The following KLHL24 variants were observed in gnomAD, a reference collection of about 807,000 sequenced individuals.
KLHL24 encodes kelch like family member 24.
Under a neutral mutation model 53.4 loss-of-function variants are expected in KLHL24, and 29 were observed. The observed-to-expected ratio is 0.54, with a 90% CI of 0.40 to 0.74. KLHL24 has a LOEUF of 0.74. Among genes scored for constraint, KLHL24 ranks in the 30% least tolerant of loss-of-function variants. The pLI is 0.00. For missense variants in KLHL24, 504 were observed against 744.0 expected (o/e 0.68, Z 3.75); for synonymous variants, 222 against 253.7 (o/e 0.88, Z 1.19).
At chr3:183,660,514 A>G (rs1310172965) in intron 3 of KLHL24, among the ~76,000 whole-genome samples, 1 of 152,190 alleles carries the variant, frequency 6.6e-6, no homozygotes, top group African/African-American at 2.4e-5. Context: ...AGTATTCCAT[A>G]ACCCACCCTT....
intron 2 of KLHL24, among the ~76,000 whole-genome samples, chr3:183,648,934 T>C (rs1472330046): frequency 1.3e-5 from 2 of 151,156 alleles, no homozygotes; most frequent in African/African-American, 4.9e-5. Flanking sequence ...ACCTAGGAGG[T>C]GGAGATTGCA....
chr3:183,642,394 G>C (rs1716570703), intron 1 of KLHL24, among the ~76,000 whole-genome samples: 1 of 151,998 alleles, frequency 6.6e-6, no homozygotes. Flanking sequence ...ATATGTGTTT[G>C]TGTGTATACA....
intron 1 of KLHL24, among the ~76,000 whole-genome samples, chr3:183,639,522 C>A (rs976246968): frequency 6.9e-6 from 1 of 144,192 alleles, no homozygotes; most frequent in Non-Finnish European, 1.5e-5. Flanking sequence ...CCCAGCTACT[C>A]GGGAGGCTGA....
At chr3:183,652,650 C>A (rs1359110357) in intron 3 of KLHL24, among the ~76,000 whole-genome samples, 1 of 152,096 alleles carries the variant, frequency 6.6e-6, no homozygotes, top group Non-Finnish European at 1.5e-5. Context: ...TTTTGACTAT[C>A]ATTGTTTCGG....
At chr3:183,649,295 T>G (rs1202704100) in intron 2 of KLHL24, among the ~76,000 whole-genome samples, 3 of 152,222 alleles carry the variant, frequency 2.0e-5, no homozygotes, top group Non-Finnish European at 4.4e-5. Flanking sequence ...TGTGATCTAC[T>G]TTTTCACTTA....
chr3:183,672,387 A>T lies in KLHL24; in HGVS notation c.1505A>T (p.Asn502Ile). ...KRCITAVSLN[N>I]LIYVAGGLTK... Reference sequence around the variant, plus strand: ...TGTATAACAGCTGTATCCCTAAACAACCTGATCTATGTTGCCGGTGGACTG... The same window carrying T: ...TGTATAACAGCTGTATCCCTAAACATCCTGATCTATGTTGCCGGTGGACTG... Residue 502 changes from asparagine (N) to isoleucine (I), a missense_variant, in exon 7 of 8, where the codon AAC (asparagine) becomes ATC (isoleucine). Coordinates refer to ENST00000242810, the MANE Select transcript of KLHL24 (RefSeq NM_017644.3). 1 of 1,613,586 alleles carries T rather than the reference A, an allele frequency of 6.2e-7. No individual in the cohort carries two copies. The highest frequency in any genetic ancestry group is 1.1e-5 in the South Asian group (1 of 91,014).
At chr3:183,658,539 G>A (rs1336347735) in intron 3 of KLHL24, among the ~76,000 whole-genome samples, 1 of 151,914 alleles carries the variant, frequency 6.6e-6, no homozygotes, top group Admixed American at 6.6e-5. Flanking sequence ...GAATATTCTT[G>A]TACATTATCT....
At chr3:183,667,484 T>C (rs1720737071) in intron 5 of KLHL24, among the ~76,000 whole-genome samples, 1 of 152,114 alleles carries the variant, frequency 6.6e-6, no homozygotes, top group South Asian at 2.1e-4. Flanking sequence ...TAGGTTCTCA[T>C]AGGAGCATGG....
At chr3:183,645,490 A>G (rs1271205314) in intron 2 of KLHL24, among the ~76,000 whole-genome samples, 1 of 152,254 alleles carries the variant, frequency 6.6e-6, no homozygotes, top group African/African-American at 2.4e-5. Flanking sequence ...ATCCACACAA[A>G]TATATGGGCA....
chr3:183,662,605 C>T (rs749575444), intron 3 of KLHL24, among the ~76,000 whole-genome samples: 2 of 152,038 alleles, frequency 1.3e-5, no homozygotes, highest in Non-Finnish European at 2.9e-5. Context: ...TTATTCCTGT[C>T]TCTATTTTAA....
intron 5 of KLHL24, among the ~76,000 whole-genome samples, chr3:183,669,875 T>C (rs1413204042): frequency 6.6e-6 from 1 of 152,134 alleles, no homozygotes; most frequent in Non-Finnish European, 1.5e-5. Flanking sequence ...ATGTGAAAGA[T>C]GCTGTGGAAG....
intron 7 of KLHL24, 40 bp downstream of exon 7, chr3:183,672,524 G>C (rs746063174): frequency 2.9e-6 from 4 of 1,371,818 alleles, no homozygotes; most frequent in Non-Finnish European, 4.0e-6. Flanking sequence ...ATAAATCTAA[G>C]AGGGACCAAG....
At chr3:183,641,139 T>C (rs1348532959) in intron 1 of KLHL24, among the ~76,000 whole-genome samples, 1 of 152,196 alleles carries the variant, frequency 6.6e-6, no homozygotes, top group Non-Finnish European at 1.5e-5. Flanking sequence ...CTGAAATGTA[T>C]AAAAATTGCT....
Position 183,659,169 on chromosome 3 carries a change from A to C in KLHL24, c.921-4289A>C, listed in dbSNP as rs564162446. Among the ~76,000 whole-genome samples the C allele has an allele frequency of 5.6e-4, 85 of 152,106 alleles. No homozygotes were observed. The Middle Eastern group carries it at 0.014, about 24-fold the overall frequency. On this transcript the variant is annotated intron_variant, in intron 3 of 7. Coordinates refer to ENST00000242810, the MANE Select transcript of KLHL24 (RefSeq NM_017644.3). ...TTTTTTCTGCAATCCATTGAACTCT[A>C]ATGTATCCAAATTCTGATTGCAAAT...
At position 183,671,050 on chromosome 3, in the gene KLHL24, G is replaced by A; in HGVS notation, c.1241G>A (p.Gly414Asp). 6.2e-7 allele frequency: 1 copy of A among 1,613,014 alleles called. No individual in the cohort carries two copies. The highest frequency in any genetic ancestry group is 8.5e-7 in the Non-Finnish European group (1 of 1,179,156). The change falls in exon 6 of 8, where the codon GGC becomes GAC. Residue 414 changes from glycine (G) to aspartate (D), a missense_variant. Physicochemically the swap from Gly to Asp is moderately conservative, Grantham distance 94 (BLOSUM62 -1). Transcript: ENST00000242810. ...TACATATAGGTATATGTTGTCGGTG[G>A]CTATGATGGGCAAAACAGACTTAGC... ...VLLGKVYVVG[G>D]YDGQNRLSSV...
intron 1 of KLHL24, among the ~76,000 whole-genome samples, chr3:183,640,560 G>GGTTTCTGTT (rs893726445): frequency 1.3e-5 from 2 of 150,132 alleles, no homozygotes; most frequent in Non-Finnish European, 3.0e-5. Context: ...GGTTTTAGTT[G>GGTTTCTGTT]GTTTCTGTTA....
intron 1 of KLHL24, among the ~76,000 whole-genome samples, chr3:183,638,007 C>T (rs1715642067): frequency 6.6e-6 from 1 of 152,150 alleles, no homozygotes. Context: ...CTGGATGAAG[C>T]AGGAATTGAA....
At chr3:183,667,864 A>T (rs1035577581) in intron 5 of KLHL24, among the ~76,000 whole-genome samples, 3 of 151,906 alleles carry the variant, frequency 2.0e-5, no homozygotes. Flanking sequence ...CTGCAGGCAC[A>T]CACCATCACA....
chr3:183,636,514 C>T (rs1715230798), intron 1 of KLHL24: 2 of 152,218 alleles, frequency 1.3e-5, no homozygotes, highest in African/African-American at 4.8e-5. Flanking sequence ...CAGTCCCCGC[C>T]TAACCTCCCC....
Sources: gnomAD v4.1 joint callset for allele counts (sites outside exome capture counted in the v4.1 genomes callset) on GRCh38, gnomAD v4.1.1 for gene constraint, MANE v1.5 for transcripts, NCBI Gene and HGNC (gene_info 2026-07-23, HGNC 2026-07-21) for gene names.